PIK3C2B: variants seen among roughly 807,000 people sequenced by gnomAD.
PIK3C2B encodes phosphatidylinositol 4-phosphate 3-kinase C2 domain-containing subunit beta.
Under a neutral mutation model 184.3 loss-of-function variants are expected in PIK3C2B, and 83 were observed. That is an observed-to-expected ratio of 0.45 (90% CI 0.38 to 0.54). PIK3C2B has a LOEUF of 0.54. PIK3C2B is among the 20% of genes least tolerant of loss of function. The pLI is 0.00. For synonymous variants in PIK3C2B, 779 were observed against 837.6 expected, an observed-to-expected ratio of 0.93 and a Z score of 1.21; for missense variants, 1,736 against 2,113.5, an observed-to-expected ratio of 0.82 and a Z score of 3.50.
At chr1:204,444,472 C>A in intron 16 of PIK3C2B, 48 bp from the exon 17 acceptor site, 1 of 1,419,994 alleles carries the variant, frequency 7.0e-7, no homozygotes, top group Non-Finnish European at 9.8e-7. Flanking sequence ...CAAGTTGAGG[C>A]ACAGCTGTGA....
intron 26 of PIK3C2B, 104 bp from the exon 27 acceptor site, chr1:204,432,505 A>G (rs879856625): frequency 1.6e-5 from 13 of 829,290 alleles, no homozygotes; most frequent in Non-Finnish European, 1.8e-5. Context: ...ACTAACAATC[A>G]GCTCAGATCA....
intron 1 of PIK3C2B, among the ~76,000 whole-genome samples, chr1:204,482,809 G>C (rs2103532803): frequency 6.6e-6 from 1 of 152,148 alleles, no homozygotes; most frequent in African/African-American, 2.4e-5. Context: ...CAAGATGCCT[G>C]TGGTGTCCCA....
At chr1:204,460,466 C>G in intron 6 of PIK3C2B, 63 bp from the exon 7 acceptor site, 1 of 1,531,890 alleles carries the variant, frequency 6.5e-7, no homozygotes, top group Non-Finnish European at 9.0e-7. Flanking sequence ...GCACTCCTAC[C>G]CCCCTCCCAC....
At chr1:204,494,008 C>G (rs909806466) in intron 1 of PIK3C2B, among the ~76,000 whole-genome samples, 1 of 152,224 alleles carries the variant, frequency 6.6e-6, no homozygotes, top group Non-Finnish European at 1.5e-5. Flanking sequence ...CTTAAATAAA[C>G]AAACCCCAAA....
chr1:204,449,099 G>A, intron 14 of PIK3C2B, 86 bp downstream of exon 14: 2 of 933,504 alleles, frequency 2.1e-6, no homozygotes, highest in Non-Finnish European at 1.7e-6. Context: ...CTCTCCTGCT[G>A]TCCCAGCCCA....
intron 23 of PIK3C2B, among the ~76,000 whole-genome samples, chr1:204,438,633 T>G (rs1169961099): frequency 2.0e-5 from 3 of 152,156 alleles, no homozygotes; most frequent in Non-Finnish European, 4.4e-5. Flanking sequence ...GATCCACAAC[T>G]GGGAGGGATA....
At chr1:204,427,790 GC>G in intron 30 of PIK3C2B, 36 bp from the exon 31 acceptor site, 1 of 1,458,758 alleles carries the variant, frequency 6.9e-7, no homozygotes, top group Non-Finnish European at 9.6e-7. Context: ...GGGTCAAGAG[GC>G]CAGGCAGGTG....
Position 204,469,795 on chromosome 1 carries a change from G to A in PIK3C2B, c.8C>T (p.Ser3Leu), listed in dbSNP as rs753056010. Reference protein sequence around the residue: MSSTQGNGEHWKS... With the variant: MSLTQGNGEHWKS... Reference sequence around the variant, plus strand: ...CCAGTGTTCCCCATTGCCCTGAGTCGAAGACATGGTGAGGATGGGGGACAC... The same window carrying A: ...CCAGTGTTCCCCATTGCCCTGAGTCAAAGACATGGTGAGGATGGGGGACAC... The change falls in exon 2 of 33, where the codon TCG (serine) becomes TTG (leucine). Residue 3 changes from serine (S) to leucine (L), a missense_variant. Ser to Leu is a moderately radical substitution (Grantham distance 145, BLOSUM62 -2). Transcript: ENST00000684373. 10 of 1,611,516 alleles carry A rather than the reference G, an allele frequency of 6.2e-6. No homozygotes were observed. The highest frequency in any genetic ancestry group is 1.7e-4 in the Middle Eastern group (1 of 6,050).
rs1356506811 is a variant in PIK3C2B, at chr1:204,443,513, C to T, written c.2952G>A (p.Lys984=). 3 of 1,614,248 alleles carry T rather than the reference C, an allele frequency of 1.9e-6. No homozygotes were observed. Among genetic ancestry groups the T allele is most frequent in the Middle Eastern group, 1.7e-4 (1 of 6,060 alleles). Residue 984 remains lysine (K), a synonymous_variant, in exon 19 of 33, where the codon AAG becomes AAA. Transcript: ENST00000684373. ...LLAALLCCCG[K]GLREEFNRQC... is the part of the protein sequence containing the mutation. Reference sequence around the variant, plus strand: ...GGCGGTTAAACTCTTCTCTCAGCCCCTTGCCACAGCAGCACAGTAAGGCTG... The same window carrying T: ...GGCGGTTAAACTCTTCTCTCAGCCCTTTGCCACAGCAGCACAGTAAGGCTG...
chr1:204,454,141 C>T (rs1226895575), intron 12 of PIK3C2B, among the ~76,000 whole-genome samples: 1 of 151,932 alleles, frequency 6.6e-6, no homozygotes, highest in Non-Finnish European at 1.5e-5. Flanking sequence ...TCATTGGATC[C>T]TCATGACAAC....
chr1:204,472,838 G>A (rs1656401625), intron 1 of PIK3C2B, among the ~76,000 whole-genome samples: 1 of 152,134 alleles, frequency 6.6e-6, no homozygotes, highest in Admixed American at 6.5e-5. Flanking sequence ...TAATTGCTCT[G>A]TGGTAGGGTA....
In PIK3C2B at chr1:204,447,352, T is replaced by A; in HGVS notation, c.2489+84A>T. 1 of 1,381,226 alleles carries A rather than the reference T, an allele frequency of 7.2e-7. No individual in the cohort carries two copies. The highest frequency in any genetic ancestry group is 1.0e-6 in the Non-Finnish European group (1 of 993,066). 85.6% of individuals were successfully genotyped at this position (1,381,226 alleles called of 1,614,324 possible). A position where few individuals can be genotyped will look rare whatever the true frequency, so the allele number is the denominator to read the frequency against. On this transcript the variant is annotated intron_variant, in intron 15 of 32. Transcript: ENST00000684373. The surrounding 1 kb of genome is among the most constrained non-coding windows in gnomAD (Gnocchi z 4.1). ...ATGGCAATGCCCACCCCTTCCCACC[T>A]CCACTCCCAAAGCAGGAGGACGGAG...
chr1:204,466,902 T>C (rs866820438), intron 2 of PIK3C2B: 2 of 533,196 alleles, frequency 3.8e-6, no homozygotes, highest in Non-Finnish European at 3.8e-6. Context: ...TCCGCTGGCC[T>C]GGGATAAGGA....
At chr1:204,458,157 C>T (rs1655025199) in intron 8 of PIK3C2B, among the ~76,000 whole-genome samples, 1 of 152,206 alleles carries the variant, frequency 6.6e-6, no homozygotes, top group African/African-American at 2.4e-5. Context: ...TCTACTTATA[C>T]TATACACATA....
intron 20 of PIK3C2B, among the ~76,000 whole-genome samples, chr1:204,442,188 T>G (rs1050231484): frequency 6.6e-6 from 1 of 152,150 alleles, no homozygotes; most frequent in African/African-American, 2.4e-5. Flanking sequence ...TCTCTCTTAT[T>G]TTATGGCTTA....
Position 204,457,716 on chromosome 1 carries a change from G to C in PIK3C2B, c.1713+12C>G. 6.3e-7 allele frequency: 1 copy of C among 1,596,870 alleles called. No individual in the cohort carries two copies. ...TCTTCCTTTCCCCTGCTAGCACCCT[G>C]GGCCCCTTTACCTTCTGAATTTTAG... is the stretch of plus-strand genomic sequence containing the variant. On this transcript the variant is annotated intron_variant, in intron 9 of 32. Transcript: ENST00000684373.
chr1:204,445,533 T>C (rs1286062737), intron 16 of PIK3C2B, among the ~76,000 whole-genome samples: 1 of 149,212 alleles, frequency 6.7e-6, no homozygotes, highest in Non-Finnish European at 1.5e-5. Context: ...GCCCAGGAGG[T>C]CGAGGCTGCA....
Position 204,449,874 on chromosome 1 carries a change from G to A in PIK3C2B, c.2210C>T (p.Thr737Ile), listed in dbSNP as rs1654200253. 1.2e-6 allele frequency: 2 copies of A among 1,613,034 alleles called. No individual in the cohort carries two copies. Among genetic ancestry groups the A allele is most frequent in the Middle Eastern group, 1.7e-4 (1 of 6,042 alleles). The change falls in exon 13 of 33, where the codon ACT becomes ATT. Residue 737 changes from threonine (T) to isoleucine (I), a missense_variant. Coordinates refer to ENST00000684373, the MANE Select transcript of PIK3C2B (RefSeq NM_001377334.1). ...RRVPEALGWV[T>I]TPLFNFRQVL... Reference sequence around the variant, plus strand: ...CTGCCTGAAGTTGAAGAGTGGGGTAGTGACCCAGCCCAGGGCTTCAGGCAC... The same window carrying A: ...CTGCCTGAAGTTGAAGAGTGGGGTAATGACCCAGCCCAGGGCTTCAGGCAC...
rs200354132 is a variant in PIK3C2B at position 204,457,105 on chromosome 1, G to A, written c.1714-35C>T. The A allele has an allele frequency of 2.5e-5, 39 of 1,548,010 alleles. No individual in the cohort carries two copies. In the East Asian group the frequency reaches 8.7e-4, roughly 35 times the overall value. On this transcript the variant is annotated intron_variant, in intron 9 of 32. Coordinates refer to ENST00000684373, the MANE Select transcript of PIK3C2B (RefSeq NM_001377334.1). ...AAAAGAAGAGGGAGGGGAGCTTCAGGGCCATAGCCTTTTTCGTCACAGCTG... is the reference window on the plus strand; with the variant it reads ...AAAAGAAGAGGGAGGGGAGCTTCAGAGCCATAGCCTTTTTCGTCACAGCTG...
Sources: gnomAD v4.1 joint callset for allele counts (sites outside exome capture counted in the v4.1 genomes callset) on GRCh38, gnomAD v4.1.1 for gene constraint, Gnocchi (gnomAD v3.1) non-coding constraint, MANE v1.5 for transcripts, NCBI Gene and HGNC (gene_info 2026-07-23, HGNC 2026-07-21) for gene names.